The following DIAPH3 variants were observed in gnomAD, a reference collection of about 807,000 sequenced individuals.
DIAPH3 encodes diaphanous related formin 3.
In DIAPH3, 117 loss-of-function variants were observed where a neutral mutation model predicts 144.3. The observed-to-expected ratio is 0.81, with a 90% CI of 0.70 to 0.95. DIAPH3 has a LOEUF of 0.95. DIAPH3 is among the 40% of genes least tolerant of loss of function. DIAPH3 has a pLI of 0.00. For missense variants in DIAPH3, 1,421 were observed against 1,412.7 expected, an observed-to-expected ratio of 1.01 and a Z score of -0.09; for synonymous variants, 519 against 488.9, an observed-to-expected ratio of 1.06 and a Z score of -0.81.
rs1225937770 is a variant in DIAPH3 at position 59,861,706 on chromosome 13, T to G, written c.2608-170A>C. ...AAATACTCGAAAAACTACTTTTGAC[T>G]TGCTGCTTGGTGAAAATCATTATTT... On this transcript the variant is annotated intron_variant, in intron 21 of 27. Coordinates refer to ENST00000400324, the MANE Select transcript of DIAPH3 (RefSeq NM_001042517.2). Among the ~76,000 whole-genome samples the G allele has an allele frequency of 2.0e-5, 3 of 152,232 alleles. No individual in the cohort carries two copies. In the East Asian group the frequency reaches 5.8e-4, roughly 29 times the overall value.
chr13:59,927,730 T>C (rs184368799), intron 17 of DIAPH3, among the ~76,000 whole-genome samples: 93 of 152,316 alleles, frequency 6.1e-4, no homozygotes, highest in Admixed American at 5.9e-4. Flanking sequence ...TCTGTAAATT[T>C]TCTGCTAAAA....
chr13:59,871,221 C>T (rs886946311), intron 21 of DIAPH3, among the ~76,000 whole-genome samples: 1 of 149,654 alleles, frequency 6.7e-6, no homozygotes, highest in African/African-American at 2.5e-5. Context: ...GGGCATTCTA[C>T]ACAGACAATC....
rs1298622694 is a variant in DIAPH3, at chr13:59,983,808, A to G, written c.1441T>C (p.Tyr481His). 2 of 1,609,302 alleles carry G rather than the reference A, an allele frequency of 1.2e-6. No homozygotes were observed. The highest frequency in any genetic ancestry group is 1.7e-6 in the Non-Finnish European group (2 of 1,176,746). The change falls in exon 13 of 28, where the codon TAT becomes CAT. Residue 481 changes from tyrosine to histidine, a missense_variant. By Grantham distance (83) the Tyr-to-His change is moderately conservative. Coordinates refer to ENST00000400324, the MANE Select transcript of DIAPH3 (RefSeq NM_001042517.2). ...AAATCTAAATCTAGTCTTTTTCGAT[A>G]TGTGAAGTCTGGATCCATTCCATCT... Reference protein sequence around the residue: ...HRDGMDPDFTYRKRLDLDLTQ... With the variant: ...HRDGMDPDFTHRKRLDLDLTQ...
chr13:59,729,772 T>C (rs2035793959), intron 27 of DIAPH3, among the ~76,000 whole-genome samples: 1 of 151,668 alleles, frequency 6.6e-6, no homozygotes, highest in Admixed American at 6.6e-5. Context: ...AAGGAATCTT[T>C]CTCTACTATT....
chr13:59,672,723 G>A (rs138637475), intron 27 of DIAPH3, among the ~76,000 whole-genome samples: 7 of 152,094 alleles, frequency 4.6e-5, no homozygotes, highest in Middle Eastern at 3.4e-3. Context: ...TCTTCCTTTG[G>A]TTTCATTTCG....
intron 27 of DIAPH3, among the ~76,000 whole-genome samples, chr13:59,704,386 C>G (rs573422266): frequency 6.6e-6 from 1 of 152,324 alleles, no homozygotes; most frequent in East Asian, 1.9e-4. Flanking sequence ...CTCACTGTTT[C>G]CACAGCTCTT....
At chr13:59,722,274 T>C (rs1259674977) in intron 27 of DIAPH3, among the ~76,000 whole-genome samples, 1 of 152,240 alleles carries the variant, frequency 6.6e-6, no homozygotes, top group African/African-American at 2.4e-5. Context: ...TTTATTGATT[T>C]TTCCCTTTGG....
chr13:59,976,839 A>G (rs1471749924), intron 14 of DIAPH3, among the ~76,000 whole-genome samples: 1 of 151,858 alleles, frequency 6.6e-6, no homozygotes, highest in Non-Finnish European at 1.5e-5. Flanking sequence ...ATATATTTCC[A>G]ACCACTTAAT....
intron 5 of DIAPH3, among the ~76,000 whole-genome samples, chr13:60,040,330 A>C (rs2055564547): frequency 6.6e-6 from 1 of 151,328 alleles, no homozygotes; most frequent in Non-Finnish European, 1.5e-5. Flanking sequence ...TATTCTTTTC[A>C]ATTAAAAAAA....
chr13:59,861,185 A>AT, intron 22 of DIAPH3: 1 of 1,412,008 alleles, frequency 7.1e-7, no homozygotes, highest in Non-Finnish European at 9.3e-7. Flanking sequence ...AAAACAAAGT[A>AT]TTTTATAATA....
At chr13:60,032,538 G>A (rs2054884463) in intron 5 of DIAPH3, among the ~76,000 whole-genome samples, 1 of 152,184 alleles carries the variant, frequency 6.6e-6, no homozygotes, top group East Asian at 1.9e-4. Context: ...CTGGAGCTGT[G>A]GCCCAAGCTG....
chr13:59,934,891 C>T (rs534562099), intron 17 of DIAPH3, among the ~76,000 whole-genome samples: 6 of 152,190 alleles, frequency 3.9e-5, no homozygotes, highest in African/African-American at 1.4e-4. Context: ...TACACTTGAT[C>T]CAAATTTTCC....
chr13:59,780,168 C>T (rs1173877090), intron 25 of DIAPH3, among the ~76,000 whole-genome samples: 1 of 151,388 alleles, frequency 6.6e-6, no homozygotes, highest in Non-Finnish European at 1.5e-5. Context: ...TACCTAGGCC[C>T]CAAAGGTAAA....
chr13:59,987,373 CT>C (rs1254595834), intron 12 of DIAPH3, among the ~76,000 whole-genome samples: 2 of 150,136 alleles, frequency 1.3e-5, no homozygotes, highest in Non-Finnish European at 3.0e-5. Flanking sequence ...ATACCTAAGG[CT>C]AGATGACGAG....
intron 24 of DIAPH3, among the ~76,000 whole-genome samples, chr13:59,816,220 C>T (rs563148876): frequency 1.5e-4 from 23 of 151,852 alleles, no homozygotes; most frequent in African/African-American, 5.5e-4. Flanking sequence ...TTTTGTATTC[C>T]ATTTGTTTGA....
At chr13:59,782,915 G>C (rs569954479) in intron 25 of DIAPH3, among the ~76,000 whole-genome samples, 9 of 152,276 alleles carry the variant, frequency 5.9e-5, no homozygotes, top group African/African-American at 2.2e-4. Context: ...ATATGAGTAG[G>C]AAGAGATAAC....
Position 59,911,818 on chromosome 13 carries a change from G to T in DIAPH3, c.2284C>A (p.Pro762Thr). The change falls in exon 20 of 28, where the codon CCT becomes ACT. Residue 762 changes from proline (P) to threonine (T), a missense_variant. Pro to Thr is a conservative substitution (Grantham distance 38). Coordinates refer to ENST00000400324, the MANE Select transcript of DIAPH3 (RefSeq NM_001042517.2). ...SMIQNLIKHL[P>T]DQEQLNSLSQ... ...AATGAATTTAATTGCTCTTGATCAG[G>T]AAGATGCTTTATTAAGTTCTAAAAA... 6.2e-7 allele frequency: 1 copy of T among 1,612,280 alleles called. No homozygotes were observed. Among genetic ancestry groups the T allele is most frequent in the Non-Finnish European group, 8.5e-7 (1 of 1,178,526 alleles).
chr13:59,671,165 AAC>A (rs1669257315), intron 27 of DIAPH3, among the ~76,000 whole-genome samples: 1 of 152,250 alleles, frequency 6.6e-6, no homozygotes, highest in South Asian at 2.1e-4. Context: ...ACTTTCAAAC[AAC>A]AGAGTGATCC....
At chr13:59,710,258 C>T (rs1426587449) in intron 27 of DIAPH3, among the ~76,000 whole-genome samples, 12 of 107,670 alleles carry the variant, frequency 1.1e-4, no homozygotes, top group Admixed American at 9.2e-4. Context: ...TAATAAATAA[C>T]AAAAAATAAA....
Sources: allele counts gnomAD v4.1 joint callset (sites outside exome capture counted in the v4.1 genomes callset), GRCh38; gene constraint gnomAD v4.1.1; transcripts MANE v1.5; gene names NCBI Gene and HGNC (gene_info 2026-07-23, HGNC 2026-07-21).